METTL24: variants seen among roughly 807,000 people sequenced by gnomAD.
METTL24 encodes methyltransferase like 24.
Under a neutral mutation model 32.7 loss-of-function variants are expected in METTL24, and 29 were observed. The observed-to-expected ratio is 0.89, with a 90% confidence interval of 0.66 to 1.21. The LOEUF (loss-of-function observed/expected upper bound fraction) is 1.21, where lower values mean the gene tolerates loss of function less well. Among genes scored for constraint, METTL24 ranks in the 50% most tolerant of loss-of-function variants. The probability of loss-of-function intolerance (pLI) is 0.00; values close to 1 mark genes in which losing one functional copy is unlikely to be tolerated. For missense variants in METTL24, 439 were observed against 468.1 expected (o/e 0.94, Z 0.57); for synonymous variants, 163 against 179.5 (o/e 0.91, Z 0.73).
At chr6:110,281,451 G>A (rs974454275) in intron 4 of METTL24, among the ~76,000 whole-genome samples, 4 of 152,028 alleles carry the variant, frequency 2.6e-5, no homozygotes, top group Admixed American at 6.6e-5. Context: ...GACCAGCCCA[G>A]CCAATATGGT....
At chr6:110,320,316 A>G (rs188658115) in intron 2 of METTL24, among the ~76,000 whole-genome samples, 54 of 152,282 alleles carry the variant, frequency 3.5e-4, no homozygotes, top group African/African-American at 1.2e-3. Flanking sequence ...ATATTCTGCC[A>G]GTTTCGTAGG....
intron 4 of METTL24, among the ~76,000 whole-genome samples, chr6:110,250,582 G>A (rs919941063): frequency 2.0e-5 from 3 of 149,624 alleles, no homozygotes; most frequent in African/African-American, 7.3e-5. Context: ...TTTGCAATAG[G>A]GCTTTTGCAA....
chr6:110,287,759 C>A (rs1582402762), intron 4 of METTL24, among the ~76,000 whole-genome samples: 1 of 152,274 alleles, frequency 6.6e-6, no homozygotes, highest in African/African-American at 2.4e-5. Flanking sequence ...CAACATGTAT[C>A]CTGTATAGTT....
intron 4 of METTL24, among the ~76,000 whole-genome samples, chr6:110,272,193 A>G (rs1334643323): frequency 6.6e-6 from 1 of 152,136 alleles, no homozygotes; most frequent in Non-Finnish European, 1.5e-5. Flanking sequence ...CTCATAGCTT[A>G]GCCCACTTAC....
At chr6:110,276,979 G>T (rs1771059432) in intron 4 of METTL24, among the ~76,000 whole-genome samples, 2 of 152,088 alleles carry the variant, frequency 1.3e-5, no homozygotes, top group Admixed American at 1.3e-4. Context: ...CCAAATAGAT[G>T]GCACTTGGCA....
intron 4 of METTL24, among the ~76,000 whole-genome samples, chr6:110,292,412 A>G (rs1771336005): frequency 6.6e-6 from 1 of 152,140 alleles, no homozygotes; most frequent in Non-Finnish European, 1.5e-5. Flanking sequence ...CTTTCTCTTA[A>G]TATGTCCAAG....
intron 4 of METTL24, among the ~76,000 whole-genome samples, chr6:110,250,404 G>T (rs888982105): frequency 6.6e-6 from 1 of 151,930 alleles, no homozygotes; most frequent in Non-Finnish European, 1.5e-5. Flanking sequence ...ACATCAGTCA[G>T]ATTGGAATAG....
chr6:110,311,941 G>C (rs1771731072), intron 3 of METTL24, among the ~76,000 whole-genome samples: 2 of 152,020 alleles, frequency 1.3e-5, no homozygotes, highest in South Asian at 4.1e-4. Context: ...GTATATTCTG[G>C]ATATTAGTCA....
chr6:110,332,514 T>C (rs1772126661), intron 1 of METTL24: 3 of 982,030 alleles, frequency 3.1e-6, no homozygotes, highest in Admixed American at 6.2e-5. Flanking sequence ...TCTGCATACG[T>C]AGTAAAGTTT....
chr6:110,252,005 G>A (rs1261956784), intron 4 of METTL24, among the ~76,000 whole-genome samples: 1 of 152,120 alleles, frequency 6.6e-6, no homozygotes, highest in African/African-American at 2.4e-5. Flanking sequence ...TTAGCCGGGT[G>A]AGGTGGTACA....
chr6:110,263,420 G>A lies in METTL24; in HGVS notation c.787-17160C>T, dbSNP rs149343297. On this transcript the variant is annotated intron_variant, in intron 4 of 4. Coordinates refer to ENST00000338882, the MANE Select transcript of METTL24 (RefSeq NM_001123364.3). ...TAGGAATCCAACTTACAAAGGATGCGAAGGACCTCTTCAAGGAGAACTACA... is the reference window on the plus strand; with the variant it reads ...TAGGAATCCAACTTACAAAGGATGCAAAGGACCTCTTCAAGGAGAACTACA... Among the ~76,000 whole-genome samples the A allele has an allele frequency of 5.1e-3, 772 of 152,274 alleles. 10 individuals are homozygous for A. The highest frequency in any genetic ancestry group is 0.018 in the African/African-American group (742 of 41,540).
intron 3 of METTL24, among the ~76,000 whole-genome samples, chr6:110,313,781 C>G (rs1771766813): frequency 6.6e-6 from 1 of 152,178 alleles, no homozygotes; most frequent in Admixed American, 6.5e-5. Context: ...AGCATCTCAT[C>G]TTCTAATCCA....
chr6:110,248,181 T>C (rs1474916346), intron 4 of METTL24, among the ~76,000 whole-genome samples: 3 of 152,208 alleles, frequency 2.0e-5, no homozygotes, highest in South Asian at 2.1e-4. Flanking sequence ...ACCGGCACCA[T>C]GCTTCCTGTA....
intron 1 of METTL24, among the ~76,000 whole-genome samples, chr6:110,346,867 A>G (rs997608422): frequency 3.3e-5 from 5 of 152,038 alleles, no homozygotes; most frequent in African/African-American, 1.2e-4. Flanking sequence ...TGAAATAGAA[A>G]TCTCACTGTG....
intron 1 of METTL24, among the ~76,000 whole-genome samples, chr6:110,345,538 A>G (rs1267129847): frequency 6.6e-6 from 1 of 152,256 alleles, no homozygotes; most frequent in Non-Finnish European, 1.5e-5. Flanking sequence ...AATGCCCATC[A>G]GTGATAGACT....
chr6:110,258,601 G>A (rs544315046), intron 4 of METTL24, among the ~76,000 whole-genome samples: 2 of 152,066 alleles, frequency 1.3e-5, no homozygotes, highest in Non-Finnish European at 2.9e-5. Context: ...TAGGTGGATG[G>A]TTAAATGGAC....
At chr6:110,274,656 T>C (rs1771013480) in intron 4 of METTL24, among the ~76,000 whole-genome samples, 1 of 151,546 alleles carries the variant, frequency 6.6e-6, no homozygotes, top group African/African-American at 2.4e-5. Context: ...ACTATTGACA[T>C]AAAAAAATTT....
intron 1 of METTL24, among the ~76,000 whole-genome samples, chr6:110,330,383 G>C (rs1772092249): frequency 6.6e-6 from 1 of 152,194 alleles, no homozygotes; most frequent in Admixed American, 6.5e-5. Flanking sequence ...GAAGTGTGAA[G>C]CAGAGCGTAG....
intron 2 of METTL24, among the ~76,000 whole-genome samples, 199 bp downstream of exon 2, chr6:110,322,575 G>A (rs1771946748): frequency 6.6e-6 from 1 of 152,242 alleles, no homozygotes; most frequent in Admixed American, 6.5e-5. Flanking sequence ...CTTGGAGGAA[G>A]GAACATGCCC....
Sources: allele counts gnomAD v4.1 joint callset (sites outside exome capture counted in the v4.1 genomes callset), GRCh38; gene constraint gnomAD v4.1.1; transcripts MANE v1.5; gene names NCBI Gene and HGNC (gene_info 2026-07-23, HGNC 2026-07-21).